The following SMC4 variants were observed in gnomAD, a reference collection of about 807,000 sequenced individuals.
SMC4 encodes the protein structural maintenance of chromosomes protein 4.
Under a neutral mutation model 145.6 loss-of-function variants are expected in SMC4, and 87 were observed. The ratio of observed to expected loss-of-function variants is 0.60; its 90% CI spans 0.50 to 0.71. The LOEUF (loss-of-function observed/expected upper bound fraction) is 0.71, where lower values mean the gene tolerates loss of function less well. SMC4 is among the 30% of genes least tolerant of loss of function. SMC4 has a pLI of 0.00. For missense variants in SMC4, 1,447 were observed against 1,537.1 expected, an observed-to-expected ratio of 0.94 and a Z score of 0.98; for synonymous variants, 558 against 500.7, an observed-to-expected ratio of 1.11 and a Z score of -1.53.
chr3:160,414,358 C>A lies in SMC4; in HGVS notation c.1122-9C>A. The A allele has an allele frequency of 1.3e-6, 2 of 1,584,112 alleles. No individual in the cohort carries two copies. Among genetic ancestry groups the A allele is most frequent in the South Asian group, 1.1e-5 (1 of 89,476 alleles). On this transcript the variant is annotated splice_polypyrimidine_tract_variant and intron_variant, in intron 8 of 23. Transcript: ENST00000357388. ...AAAATAATGACTTACAATATACTTG[C>A]TTTGCTAGGAAACTGAATAAAATTA... is the stretch of plus-strand genomic sequence containing the variant.
intron 10 of SMC4, 160 bp downstream of exon 10, chr3:160,416,575 T>G: frequency 2.4e-6 from 1 of 421,498 alleles, no homozygotes; most frequent in Non-Finnish European, 4.2e-6. Flanking sequence ...GACTATTCTT[T>G]TAATTCCTGC....
At chr3:160,429,785 C>T (rs1035715955) in intron 18 of SMC4, among the ~76,000 whole-genome samples, 5 of 148,146 alleles carry the variant, frequency 3.4e-5, no homozygotes, top group Admixed American at 2.0e-4. Context: ...GGCGCGATCT[C>T]GGCTCACTGC....
chr3:160,431,151 A>G lies in SMC4; in HGVS notation c.3060A>G (p.Gln1020=). 6.2e-7 allele frequency: 1 copy of G among 1,604,418 alleles called. No individual in the cohort carries two copies. The change falls in exon 20 of 24, where the codon CAA becomes CAG. Residue 1020 remains glutamine (Q), a synonymous_variant. Coordinates refer to ENST00000357388, the MANE Select transcript of SMC4 (RefSeq NM_001002800.3). Reference sequence around the variant, plus strand: ...TTAGTATTAAGTTGAAACTTGAACAAATAGATGGTCACATTGCTGAACATA... The same window carrying G: ...TTAGTATTAAGTTGAAACTTGAACAGATAGATGGTCACATTGCTGAACATA... ...DALSIKLKLE[Q]IDGHIAEHNS... is the part of the protein sequence containing the mutation.
At chr3:160,404,645 C>T (rs758766250) in intron 5 of SMC4, 141 bp downstream of exon 5, 6 of 816,960 alleles carry the variant, frequency 7.3e-6, no homozygotes, top group South Asian at 4.0e-5. Flanking sequence ...AGTCAAGATG[C>T]GAATCATTAT....
At chr3:160,413,100 AATTATT>A (rs137917873) in intron 7 of SMC4, among the ~76,000 whole-genome samples, 5 of 151,566 alleles carry the variant, frequency 3.3e-5, no homozygotes, top group African/African-American at 4.8e-5. Context: ...ACACCTGGCT[AATTATT>A]ATTATTATTA....
At chr3:160,433,464 A>G (rs1055096780) in intron 23 of SMC4, 193 bp from the exon 24 acceptor site, 2 of 556,482 alleles carry the variant, frequency 3.6e-6, no homozygotes, top group Non-Finnish European at 6.3e-6. Flanking sequence ...TCATCTTCCT[A>G]GATCTTTTCC....
intron 13 of SMC4, among the ~76,000 whole-genome samples, chr3:160,422,319 G>A (rs1003070145): frequency 9.2e-5 from 14 of 152,200 alleles, no homozygotes; most frequent in Non-Finnish European, 1.9e-4. Context: ...CCACAAGCAT[G>A]TGTAAGGGTT....
In SMC4 at chr3:160,408,620, T is replaced by G. The variant is rs181258445; in HGVS notation, c.688-3300T>G. Among the ~76,000 whole-genome samples the G allele has an allele frequency of 2.6e-5, 4 of 152,390 alleles. No individual in the cohort carries two copies. In the South Asian group the frequency reaches 8.3e-4, roughly 32 times the overall value. ...TGATATGACTTTAAATTCAGGTTGA[T>G]GTTTTAAAATTATTTCTGAAATATA... On this transcript the variant is annotated intron_variant, in intron 5 of 23. Transcript: ENST00000357388.
At chr3:160,401,893 T>C in intron 2 of SMC4, 22 bp from the exon 3 acceptor site, 1 of 1,568,708 alleles carries the variant, frequency 6.4e-7, no homozygotes, top group Non-Finnish European at 8.6e-7. Context: ...GCCTTCGTTT[T>C]CCTTTCCTTT....
At chr3:160,420,425 C>T (rs1717042753) in intron 12 of SMC4, among the ~76,000 whole-genome samples, 1 of 152,156 alleles carries the variant, frequency 6.6e-6, no homozygotes, top group Non-Finnish European at 1.5e-5. Context: ...TGTGTTTCAT[C>T]AGGATTTACA....
In SMC4 at chr3:160,412,329, A is replaced by T. The variant is rs545672230; in HGVS notation, c.856A>T (p.Asn286Tyr). The T allele has an allele frequency of 6.3e-7, 1 of 1,591,016 alleles. No individual in the cohort carries two copies. Among genetic ancestry groups the T allele is most frequent in the Non-Finnish European group, 8.6e-7 (1 of 1,161,954 alleles). The change falls in exon 7 of 24, where the codon AAC (asparagine) becomes TAC (tyrosine). Residue 286 changes from asparagine (N) to tyrosine (Y), a missense_variant. By Grantham distance (143) the Asn-to-Tyr change is moderately radical. Transcript: ENST00000357388. ...TTTAAACTTTTAATTTCTGTAGTTA[A>T]ACAGGGTAAAGATGGTGGAAAAGGA... ...ILNEHRGEKL[N>Y]RVKMVEKEKD...
In SMC4 at chr3:160,434,740, GA is replaced by G. The variant is rs943184085; in HGVS notation, c.*933del. The G allele has an allele frequency of 6.6e-6, 1 of 152,158 alleles. No individual in the cohort carries two copies. Among genetic ancestry groups the G allele is most frequent in the African/African-American group, 2.4e-5 (1 of 41,440 alleles). The allele number at this position is 152,158 out of a possible 1,614,324, so 9.4% of individuals were successfully genotyped here. On this transcript the variant is annotated 3_prime_UTR_variant, in exon 24 of 24. Coordinates refer to ENST00000357388, the MANE Select transcript of SMC4 (RefSeq NM_001002800.3). ...TAAGTTGGCAACCACTTGGTTTTTG[GA>G]AGGACTTTCGGTATTGTATTAGAAG...
rs1352235017 is a variant in SMC4 at position 160,420,904 on chromosome 3, G to A, written c.2019+3G>A. On this transcript the variant is annotated splice_donor_region_variant and intron_variant, in intron 13 of 23. Coordinates refer to ENST00000357388, the MANE Select transcript of SMC4 (RefSeq NM_001002800.3). ...CAACCTTTATAGGTTTAGATAAGGT[G>A]GGTATTCGTAATAACCTACCTATAA... 1.3e-6 allele frequency: 2 copies of A among 1,593,688 alleles called. No homozygotes were observed. The highest frequency in any genetic ancestry group is 1.4e-5 in the African/African-American group (1 of 73,722).
intron 7 of SMC4, among the ~76,000 whole-genome samples, chr3:160,413,031 T>C (rs1441492685): frequency 6.6e-6 from 1 of 152,150 alleles, no homozygotes; most frequent in Admixed American, 6.5e-5. Flanking sequence ...CCTTCCGGAC[T>C]CAGTTGATCC....
At chr3:160,425,208 T>C (rs887828231) in intron 16 of SMC4, among the ~76,000 whole-genome samples, 189 bp downstream of exon 16, 8 of 152,212 alleles carry the variant, frequency 5.3e-5, no homozygotes, top group African/African-American at 1.9e-4. Context: ...CCTGTCACAG[T>C]GTTGTTCCAA....
chr3:160,403,837 ATTTC>A (rs1714995303), intron 4 of SMC4, among the ~76,000 whole-genome samples: 3 of 152,038 alleles, frequency 2.0e-5, no homozygotes, highest in Admixed American at 1.3e-4. Flanking sequence ...TTTAGTTGTT[ATTTC>A]TTTGTGATTC....
chr3:160,411,882 C>T, intron 5 of SMC4, 38 bp from the exon 6 acceptor site: 2 of 1,570,774 alleles, frequency 1.3e-6, no homozygotes, highest in Non-Finnish European at 1.7e-6. Context: ...TTTAGCTAAA[C>T]ATACACAGTG....
chr3:160,401,460 A>G (rs890269048), intron 2 of SMC4, among the ~76,000 whole-genome samples: 1 of 152,176 alleles, frequency 6.6e-6, no homozygotes, highest in African/African-American at 2.4e-5. Context: ...GGGTGACATT[A>G]TTAAACCCTC....
At chr3:160,405,120 CT>C (rs1431666374) in intron 5 of SMC4, among the ~76,000 whole-genome samples, 1 of 151,954 alleles carries the variant, frequency 6.6e-6, no homozygotes, top group African/African-American at 2.4e-5. Context: ...AAGAACGAAA[CT>C]TTGATATTAC....
Sources: allele counts gnomAD v4.1 joint callset (sites outside exome capture counted in the v4.1 genomes callset), GRCh38; gene constraint gnomAD v4.1.1; transcripts MANE v1.5; gene names NCBI Gene and HGNC (gene_info 2026-07-23, HGNC 2026-07-21).